Variants in BARD1 observed in about 807,000 individuals in gnomAD.
BARD1 encodes BRCA1-associated RING domain protein 1.
Under a neutral mutation model 77.0 loss-of-function variants are expected in BARD1, and 73 were observed. That is an observed-to-expected ratio of 0.95 (90% CI 0.79 to 1.15). The LOEUF (loss-of-function observed/expected upper bound fraction) is 1.15. BARD1 is among the 50% of genes most tolerant of loss of function. BARD1 has a pLI of 0.00. For synonymous variants in BARD1, 384 were observed against 338.0 expected (o/e 1.14, Z -1.49); for missense variants, 993 against 938.8 (o/e 1.06, Z -0.75).
intron 7 of BARD1, among the ~76,000 whole-genome samples, chr2:214,747,812 A>T (rs1485481399): frequency 1.3e-5 from 2 of 151,750 alleles, no homozygotes; most frequent in East Asian, 1.9e-4. Context: ...CATATGTAAC[A>T]AACCTGCACG....
chr2:214,742,736 G>C (rs6435854), intron 9 of BARD1, among the ~76,000 whole-genome samples: 74,235 of 151,552 alleles, frequency 0.49, 18,304 homozygotes, highest in East Asian at 0.56. Flanking sequence ...AAATCATGTA[G>C]CCTGTATATG....
chr2:214,783,400 A>G (rs1430444505), intron 3 of BARD1, among the ~76,000 whole-genome samples: 1 of 152,200 alleles, frequency 6.6e-6, no homozygotes, highest in Non-Finnish European at 1.5e-5. Flanking sequence ...GAATGACTTC[A>G]TGTCCTTTGC....
intron 9 of BARD1, among the ~76,000 whole-genome samples, chr2:214,732,710 T>A (rs891706770): frequency 1.3e-5 from 2 of 152,160 alleles, no homozygotes; most frequent in Non-Finnish European, 2.9e-5. Flanking sequence ...ATAATGATTA[T>A]CTTGAGAGCA....
chr2:214,769,914 T>C (rs1412008000), intron 4 of BARD1, among the ~76,000 whole-genome samples: 2 of 152,182 alleles, frequency 1.3e-5, no homozygotes, highest in Non-Finnish European at 2.9e-5. Context: ...AATGAAGTTT[T>C]AAAAGCCATA....
chr2:214,754,283 G>A (rs759228850), intron 6 of BARD1, among the ~76,000 whole-genome samples: 2 of 150,392 alleles, frequency 1.3e-5, no homozygotes, highest in Non-Finnish European at 3.0e-5. Flanking sequence ...AATCATAACT[G>A]CATAGCCATG....
At chr2:214,742,549 T>C (rs989399896) in intron 9 of BARD1, among the ~76,000 whole-genome samples, 1 of 152,214 alleles carries the variant, frequency 6.6e-6, no homozygotes, top group African/African-American at 2.4e-5. Flanking sequence ...ATTCCATCCA[T>C]CCTTTATCCT....
chr2:214,794,943 T>C (rs1695693952), intron 2 of BARD1, among the ~76,000 whole-genome samples: 4 of 152,182 alleles, frequency 2.6e-5, no homozygotes, highest in African/African-American at 7.2e-5. Context: ...GTCTCAAACC[T>C]TTGATTGGTT....
At chr2:214,773,259 AAAC>A (rs1279759658) in intron 4 of BARD1, among the ~76,000 whole-genome samples, 1 of 152,208 alleles carries the variant, frequency 6.6e-6, no homozygotes, top group Non-Finnish European at 1.5e-5. Flanking sequence ...ATATTCATAA[AAAC>A]AATACAGAAC....
intron 4 of BARD1, among the ~76,000 whole-genome samples, chr2:214,775,987 A>C (rs1053135923): frequency 6.6e-6 from 1 of 152,158 alleles, no homozygotes; most frequent in African/African-American, 2.4e-5. Context: ...TTAAACTCTA[A>C]ATGAGACTCC....
intron 10 of BARD1, 87 bp downstream of exon 10, chr2:214,730,324 T>C: frequency 8.8e-7 from 1 of 1,131,536 alleles, no homozygotes; most frequent in Non-Finnish European, 1.3e-6. Context: ...CACCTGTAGC[T>C]GTTGAAAGGG....
In BARD1 at chr2:214,781,484, T is replaced by C. The variant is rs554652893; in HGVS notation, c.390A>G (p.Lys130=). Residue 130 remains lysine (K), a synonymous_variant, in exon 4 of 11, where the codon AAA becomes AAG. Transcript: ENST00000260947. ...LSDLKEDKPR[K]SLFNDAGNKK... ...TGTTTCCTGCATCATTAAACAAACT[T>C]TTCCTAGGTTTATCTTCTTTCAAAT... is the stretch of plus-strand genomic sequence containing the variant. 6.2e-7 allele frequency: 1 copy of C among 1,611,604 alleles called. No homozygotes were observed. Among genetic ancestry groups the C allele is most frequent in the African/African-American group, 1.3e-5 (1 of 74,912 alleles).
chr2:214,752,342 T>G, intron 7 of BARD1, 105 bp downstream of exon 7: 1 of 885,748 alleles, frequency 1.1e-6, no homozygotes, highest in Non-Finnish European at 1.8e-6. Flanking sequence ...AATAATTGTT[T>G]GGTGAATGTA....
intron 6 of BARD1, among the ~76,000 whole-genome samples, chr2:214,757,318 G>A (rs1009833108): frequency 9.3e-5 from 14 of 150,386 alleles, no homozygotes; most frequent in Admixed American, 2.0e-4. Flanking sequence ...GTACTCTTGC[G>A]CTATTCCTTT....
At chr2:214,739,999 T>A (rs1337311009) in intron 9 of BARD1, among the ~76,000 whole-genome samples, 2 of 152,190 alleles carry the variant, frequency 1.3e-5, no homozygotes, top group South Asian at 4.1e-4. Context: ...GTATTATGCA[T>A]AATAATATCA....
rs546816757 is a variant in BARD1, at chr2:214,783,626, C to T, written c.365-2117G>A. Among the ~76,000 whole-genome samples the T allele has an allele frequency of 3.9e-5, 6 of 152,136 alleles. No homozygotes were observed. The East Asian group carries it at 1.2e-3, about 29-fold the overall frequency. Reference sequence around the variant, plus strand: ...TACCTAATGCATGTGGGTCTTAAAACCTAGAAGACGGGTTGATAGGTGCGG... The same window carrying T: ...TACCTAATGCATGTGGGTCTTAAAATCTAGAAGACGGGTTGATAGGTGCGG... On this transcript the variant is annotated intron_variant, in intron 3 of 10. Coordinates refer to ENST00000260947, the MANE Select transcript of BARD1 (RefSeq NM_000465.4).
intron 9 of BARD1, among the ~76,000 whole-genome samples, chr2:214,734,164 A>G (rs1692472901): frequency 6.6e-6 from 1 of 152,146 alleles, no homozygotes; most frequent in Admixed American, 6.5e-5. Context: ...GAGGACCAAT[A>G]TATTTTAAAT....
chr2:214,780,226 A>G (rs1259367775), intron 4 of BARD1, among the ~76,000 whole-genome samples: 1 of 152,214 alleles, frequency 6.6e-6, no homozygotes, highest in African/African-American at 2.4e-5. Context: ...TAACTTAGCA[A>G]TTGTCTACAT....
rs773111818 is a variant in BARD1, at chr2:214,728,663, T to C, written c.*13A>G. ...GTGCAAATTCAATTTGAAATGTTCA[T>C]CTGGTATAATATTCAGCTGTCAAGA... On this transcript the variant is annotated 3_prime_UTR_variant, in exon 11 of 11. Transcript: ENST00000260947. The C allele has an allele frequency of 6.2e-7, 1 of 1,613,568 alleles. No individual in the cohort carries two copies. Among genetic ancestry groups the C allele is most frequent in the Non-Finnish European group, 8.5e-7 (1 of 1,179,674 alleles).
intron 2 of BARD1, chr2:214,796,686 C>A: frequency 4.8e-6 from 1 of 209,044 alleles, no homozygotes; most frequent in Middle Eastern, 2.2e-3. Context: ...TTTGTTATGG[C>A]AGCCTTAGGA....
Sources: allele counts gnomAD v4.1 joint callset (sites outside exome capture counted in the v4.1 genomes callset), GRCh38; gene constraint gnomAD v4.1.1; transcripts MANE v1.5; gene names NCBI Gene and HGNC (gene_info 2026-07-23, HGNC 2026-07-21).